Variants in ARID1B observed in about 807,000 individuals in gnomAD.
ARID1B encodes the protein AT-rich interactive domain-containing protein 1B.
In ARID1B, 30 loss-of-function variants were observed where a neutral mutation model predicts 212.3. The ratio of observed to expected loss-of-function variants is 0.14; its 90% CI spans 0.11 to 0.19. ARID1B has a LOEUF of 0.19. ARID1B is among the 10% of genes least tolerant of loss of function. ARID1B has a pLI of 1.00. For missense variants in ARID1B, 2,891 were observed against 3,204.0 expected, an observed-to-expected ratio of 0.90 and a Z score of 2.36; for synonymous variants, 1,402 against 1,301.7, an observed-to-expected ratio of 1.08 and a Z score of -1.66.
intron 2 of ARID1B, among the ~76,000 whole-genome samples, chr6:156,887,819 TA>T (rs1457991543): frequency 2.0e-5 from 3 of 151,976 alleles, no homozygotes; most frequent in Admixed American, 6.6e-5. Context: ...CACGAATGAG[TA>T]ATTTATATGC....
At chr6:157,065,188 A>G (rs1307573062) in intron 4 of ARID1B, among the ~76,000 whole-genome samples, 1 of 152,266 alleles carries the variant, frequency 6.6e-6, no homozygotes, top group Non-Finnish European at 1.5e-5. Flanking sequence ...AATATAAGTT[A>G]AAAGAAGTTC....
At chr6:156,910,722 T>G (rs767180120) in intron 3 of ARID1B, among the ~76,000 whole-genome samples, 1 of 152,212 alleles carries the variant, frequency 6.6e-6, no homozygotes, top group Non-Finnish European at 1.5e-5. Flanking sequence ...CTGGAACTGG[T>G]AGTTTCATGT....
intron 6 of ARID1B, among the ~76,000 whole-genome samples, chr6:157,111,495 C>A (rs1470695544): frequency 2.0e-5 from 3 of 152,222 alleles, no homozygotes; most frequent in Non-Finnish European, 4.4e-5. Context: ...CTCCCCTCCT[C>A]TCTCACACAG....
intron 4 of ARID1B, among the ~76,000 whole-genome samples, chr6:157,022,056 G>A (rs1316891376): frequency 6.6e-6 from 1 of 152,220 alleles, no homozygotes; most frequent in Non-Finnish European, 1.5e-5. Flanking sequence ...ATTAAAACGA[G>A]TGGCTGACGG....
chr6:156,862,323 G>C (rs1412715961), intron 2 of ARID1B, among the ~76,000 whole-genome samples: 1 of 152,220 alleles, frequency 6.6e-6, no homozygotes, highest in East Asian at 1.9e-4. Flanking sequence ...CCTTGGCCCT[G>C]TGTAAGCAGG....
At chr6:156,806,059 A>G (rs1562398819) in intron 1 of ARID1B, among the ~76,000 whole-genome samples, 1 of 152,136 alleles carries the variant, frequency 6.6e-6, no homozygotes, top group South Asian at 2.1e-4. Context: ...CGTATTGGCC[A>G]CTTTTTCTGT....
At chr6:156,989,249 C>G (rs1199047219) in intron 4 of ARID1B, among the ~76,000 whole-genome samples, 1 of 152,208 alleles carries the variant, frequency 6.6e-6, no homozygotes, top group Non-Finnish European at 1.5e-5. Context: ...CCCACGTCTT[C>G]CATGAAACAC....
intron 1 of ARID1B, among the ~76,000 whole-genome samples, chr6:156,799,857 G>T (rs914802748): frequency 1.3e-5 from 2 of 152,150 alleles, no homozygotes; most frequent in Non-Finnish European, 2.9e-5. Context: ...ATACCATTTG[G>T]TTAGAGAGAC....
chr6:157,110,614 C>T (rs976038264), intron 6 of ARID1B, 53 bp downstream of exon 6: 11 of 1,553,950 alleles, frequency 7.1e-6, no homozygotes, highest in East Asian at 4.5e-5. Flanking sequence ...GGCGATAAGG[C>T]GTACGTGAGT....
At chr6:157,107,247 G>A (rs1014849158) in intron 5 of ARID1B, among the ~76,000 whole-genome samples, 1 of 152,124 alleles carries the variant, frequency 6.6e-6, no homozygotes, top group Non-Finnish European at 1.5e-5. Context: ...GAGGCTAAGG[G>A]AAAGTCACTA....
chr6:157,198,632 A>T (rs1021486447), intron 16 of ARID1B, 179 bp from the exon 17 acceptor site: 1 of 549,886 alleles, frequency 1.8e-6, no homozygotes, highest in Non-Finnish European at 3.2e-6. Flanking sequence ...GGGTGTTCCC[A>T]TCCCTGGTGC....
intron 5 of ARID1B, among the ~76,000 whole-genome samples, chr6:157,104,484 A>G (rs1786319976): frequency 6.6e-6 from 1 of 152,248 alleles, no homozygotes; most frequent in South Asian, 2.1e-4. Flanking sequence ...ATGATATAAT[A>G]GTAAGCCTGG....
At chr6:156,952,364 G>A (rs1003834330) in intron 4 of ARID1B, among the ~76,000 whole-genome samples, 2 of 152,162 alleles carry the variant, frequency 1.3e-5, no homozygotes, top group African/African-American at 2.4e-5. Flanking sequence ...TATTTTTCTC[G>A]AACTTACTGA....
chr6:157,001,167 T>TA (rs1469602914), intron 4 of ARID1B, among the ~76,000 whole-genome samples: 2 of 152,016 alleles, frequency 1.3e-5, no homozygotes, highest in Admixed American at 6.6e-5. Context: ...GGAAACGGGG[T>TA]AGGTGAAGAT....
intron 3 of ARID1B, chr6:156,901,775 G>A (rs1013477329): frequency 2.2e-5 from 12 of 546,658 alleles, no homozygotes; most frequent in Non-Finnish European, 3.8e-5. Context: ...AGCAGAAAGT[G>A]TCAGTCATTG....
rs560605654 is a variant in ARID1B at position 157,132,552 on chromosome 6, A to G, written c.2582-476A>G. Among the ~76,000 whole-genome samples the G allele has an allele frequency of 2.9e-4, 44 of 152,302 alleles. No homozygotes were observed. The East Asian group carries it at 6.9e-3, about 24-fold the overall frequency. On this transcript the variant is annotated intron_variant, in intron 6 of 19. Transcript: ENST00000636930. ...AGAGGGGAGAAAAACAGCTCTGTGC[A>G]GGGAAGAGCTGGTACCCTGGGTCTG... is the stretch of plus-strand genomic sequence containing the variant.
chr6:157,173,919 C>A (rs1343765396), intron 9 of ARID1B, 89 bp from the exon 10 acceptor site: 1 of 1,125,050 alleles, frequency 8.9e-7, no homozygotes, highest in Admixed American at 2.0e-5. Context: ...GCAAGGGCCT[C>A]CTGCTTCACT....
At chr6:157,057,288 G>A (rs770803846) in intron 4 of ARID1B, among the ~76,000 whole-genome samples, 2 of 152,030 alleles carry the variant, frequency 1.3e-5, no homozygotes, top group South Asian at 2.1e-4. Context: ...GAGCCACCAC[G>A]TGTCCTAACT....
intron 4 of ARID1B, among the ~76,000 whole-genome samples, chr6:157,053,245 C>T (rs948097720): frequency 2.0e-5 from 3 of 152,092 alleles, no homozygotes; most frequent in Admixed American, 2.0e-4. Flanking sequence ...ACCGCTATGC[C>T]TGGCTAATTT....
Sources: gnomAD v4.1 joint callset for allele counts (sites outside exome capture counted in the v4.1 genomes callset) on GRCh38, gnomAD v4.1.1 for gene constraint, MANE v1.5 for transcripts, NCBI Gene and HGNC (gene_info 2026-07-23, HGNC 2026-07-21) for gene names.